MSRA: variants seen among roughly 807,000 people sequenced by gnomAD.
MSRA encodes mitochondrial peptide methionine sulfoxide reductase.
MSRA carries 54 observed loss-of-function variants against 31.3 expected under a neutral mutation model. That is an observed-to-expected ratio of 1.73 (90% CI 1.39 to 2.17). The LOEUF is 2.17. Among genes scored for constraint, MSRA ranks in the 30% most tolerant of loss-of-function variants. The pLI is 0.00. For synonymous variants in MSRA, 169 were observed against 116.5 expected (o/e 1.45, Z -2.90); for missense variants, 507 against 300.9 (o/e 1.69, Z -5.07).
chr8:10,392,597 A>C (rs564279060), intron 5 of MSRA, among the ~76,000 whole-genome samples: 16 of 151,916 alleles, frequency 1.1e-4, no homozygotes, highest in Non-Finnish European at 2.4e-4. Context: ...CCCTGTCATT[A>C]AACCGAATCT....
chr8:10,077,197 C>A (rs1798035074), intron 1 of MSRA, among the ~76,000 whole-genome samples: 1 of 152,176 alleles, frequency 6.6e-6, no homozygotes, highest in Non-Finnish European at 1.5e-5. Context: ...ATTTGACAAC[C>A]AAAAGCTTTT....
At chr8:10,160,756 C>T (rs369100059) in intron 1 of MSRA, among the ~76,000 whole-genome samples, 10 of 152,156 alleles carry the variant, frequency 6.6e-5, no homozygotes, top group African/African-American at 2.2e-4. Flanking sequence ...TCTTGAACTC[C>T]TGACCTCGTG....
rs530555725 is a variant in MSRA at position 10,266,824 on chromosome 8, C to T, written c.331+21601C>T. Among the ~76,000 whole-genome samples, 32 of 152,182 alleles carry T rather than the reference C, an allele frequency of 2.1e-4. 2 individuals carry two copies. In the South Asian group the frequency reaches 5.8e-3, roughly 28 times the overall value. On this transcript the variant is annotated intron_variant, in intron 3 of 5. Transcript: ENST00000317173. ...GATCTGTGGATTAAGGTCACTTTAC[C>T]CACCGATGGTGACAGAAGTCTTCTA... is the stretch of plus-strand genomic sequence containing the variant.
intron 5 of MSRA, among the ~76,000 whole-genome samples, chr8:10,413,675 A>AAG (rs55732365): frequency 6.6e-6 from 1 of 151,414 alleles, no homozygotes; most frequent in Non-Finnish European, 1.5e-5. Flanking sequence ...AAAAAAAAAA[A>AAG]GAACTAAGTA....
chr8:10,330,598 A>C (rs1802639259), intron 5 of MSRA, among the ~76,000 whole-genome samples: 1 of 152,232 alleles, frequency 6.6e-6, no homozygotes, highest in Non-Finnish European at 1.5e-5. Context: ...AGTCTTGTGA[A>C]GTTTGTGGTA....
chr8:10,334,717 G>T (rs567193778), intron 5 of MSRA, among the ~76,000 whole-genome samples: 99 of 152,212 alleles, frequency 6.5e-4, no homozygotes, highest in South Asian at 8.3e-4. Context: ...GGAGATGAAA[G>T]GCCATTTGTG....
intron 5 of MSRA, among the ~76,000 whole-genome samples, chr8:10,328,194 G>A (rs1008687884): frequency 6.6e-6 from 1 of 151,386 alleles, no homozygotes; most frequent in Non-Finnish European, 1.5e-5. Flanking sequence ...ATGAAAGTTT[G>A]ATTATTGCCA....
intron 3 of MSRA, among the ~76,000 whole-genome samples, chr8:10,258,328 C>G (rs1396775975): frequency 1.3e-5 from 2 of 152,218 alleles, no homozygotes; most frequent in Non-Finnish European, 2.9e-5. Context: ...ATACAACACC[C>G]TTCCAAAGTG....
At chr8:10,060,222 A>C (rs1802632188) in intron 1 of MSRA, among the ~76,000 whole-genome samples, 2 of 152,250 alleles carry the variant, frequency 1.3e-5, no homozygotes, top group African/African-American at 4.8e-5. Context: ...GGTGCCTATC[A>C]GTAGTGGCTA....
intron 1 of MSRA, among the ~76,000 whole-genome samples, chr8:10,060,605 C>G (rs150321624): frequency 6.6e-6 from 1 of 151,558 alleles, no homozygotes; most frequent in East Asian, 1.9e-4. Context: ...TAATTGACCA[C>G]CTTTCTGTCA....
chr8:10,273,617 G>A (rs1447515207), intron 3 of MSRA, among the ~76,000 whole-genome samples: 1 of 152,090 alleles, frequency 6.6e-6, no homozygotes, highest in Non-Finnish European at 1.5e-5. Context: ...GCTTTCTTAT[G>A]CAACCTCCCA....
intron 5 of MSRA, among the ~76,000 whole-genome samples, chr8:10,394,281 C>A (rs563476607): frequency 6.6e-6 from 1 of 152,138 alleles, no homozygotes. Flanking sequence ...TAGTCCCCAG[C>A]GACGATAGTT....
intron 3 of MSRA, among the ~76,000 whole-genome samples, chr8:10,255,797 G>GT (rs36089458): frequency 0.47 from 70,572 of 148,952 alleles, 19,489 homozygotes; most frequent in Non-Finnish European, 0.63. Flanking sequence ...GAGGCTGCTG[G>GT]TTTTTTTTTT....
chr8:10,231,458 G>GC (rs369465993), intron 2 of MSRA, among the ~76,000 whole-genome samples: 24 of 152,270 alleles, frequency 1.6e-4, no homozygotes, highest in African/African-American at 5.8e-4. Context: ...GTGTCAGGGA[G>GC]CCCCCCAGGT....
chr8:10,196,102 GA>G (rs564049282), intron 1 of MSRA, among the ~76,000 whole-genome samples: 3 of 152,196 alleles, frequency 2.0e-5, no homozygotes, highest in Non-Finnish European at 4.4e-5. Context: ...GCTGCTCTCT[GA>G]CAGCTGACAG....
Position 10,410,241 on chromosome 8 carries a change from C to G in MSRA, c.544-17907C>G, listed in dbSNP as rs563010253. Among the ~76,000 whole-genome samples, 3 of 152,254 alleles carry G rather than the reference C, an allele frequency of 2.0e-5. No homozygotes were observed. The South Asian group carries it at 6.2e-4, about 32-fold the overall frequency. On this transcript the variant is annotated intron_variant, in intron 5 of 5. Transcript: ENST00000317173. The stretch of plus-strand genomic sequence containing the variant: ...CGCTTGGCCAGGAGCCACCAACACT[C>G]TCGTATGGAAAGTCTGCCAACAGGC...
At chr8:10,318,713 G>A (rs1321091126) in intron 4 of MSRA, among the ~76,000 whole-genome samples, 1 of 152,068 alleles carries the variant, frequency 6.6e-6, no homozygotes, top group Non-Finnish European at 1.5e-5. Context: ...ATTCCTAGCC[G>A]TTCCTGGATG....
intron 1 of MSRA, among the ~76,000 whole-genome samples, chr8:10,193,594 C>G (rs1233221878): frequency 1.3e-5 from 2 of 152,188 alleles, no homozygotes; most frequent in Non-Finnish European, 2.9e-5. Flanking sequence ...GAGCCACTAC[C>G]ATCTCCACTG....
At chr8:10,151,981 T>G (rs900598361) in intron 1 of MSRA, among the ~76,000 whole-genome samples, 3 of 152,210 alleles carry the variant, frequency 2.0e-5, no homozygotes, top group African/African-American at 7.2e-5. Flanking sequence ...ATGGCCAATT[T>G]ATTGCGTCTG....
Sources: gnomAD v4.1 joint callset for allele counts (sites outside exome capture counted in the v4.1 genomes callset) on GRCh38, gnomAD v4.1.1 for gene constraint, MANE v1.5 for transcripts, NCBI Gene and HGNC (gene_info 2026-07-23, HGNC 2026-07-21) for gene names.